Variants in MST1R observed in about 807,000 individuals in gnomAD.
The protein encoded by MST1R is macrophage-stimulating protein receptor.
MST1R carries 99 observed loss-of-function variants against 117.8 expected under a neutral mutation model. The ratio of observed to expected loss-of-function variants is 0.84; its 90% CI spans 0.71 to 0.99. The LOEUF is 0.99. MST1R is among the 50% of genes least tolerant of loss of function. The probability of loss-of-function intolerance (pLI) is 0.00; values close to 1 mark genes in which losing one functional copy is unlikely to be tolerated. For synonymous variants in MST1R, 734 were observed against 765.3 expected, an observed-to-expected ratio of 0.96 and a Z score of 0.68; for missense variants, 1,683 against 1,840.2, an observed-to-expected ratio of 0.91 and a Z score of 1.56.
chr3:49,897,619 T>C lies in MST1R; in HGVS notation c.1947A>G (p.Ala649=). 1.2e-6 allele frequency: 2 copies of C among 1,614,170 alleles called. No individual in the cohort carries two copies. The highest frequency in any genetic ancestry group is 8.5e-7 in the Non-Finnish European group (1 of 1,180,036). The change falls in exon 6 of 20, where the codon GCA becomes GCG. Residue 649 remains alanine, a synonymous_variant. Coordinates refer to ENST00000296474, the MANE Select transcript of MST1R (RefSeq NM_002447.4). ...TGAGGCTGACGTTGGTAGGCCCCAC[T>C]GCCTGGGTGCCCAAGGGCTCCAGTT... ...ECELEPLGTQ[A]VGPTNVSLTV...
chr3:49,895,015 GT>G, intron 14 of MST1R, 151 bp downstream of exon 14: 1 of 754,064 alleles, frequency 1.3e-6, no homozygotes, highest in Non-Finnish European at 2.2e-6. Context: ...GTTTCACTGT[GT>G]TAGCCAGGAC....
intron 2 of MST1R, 27 bp downstream of exon 2, chr3:49,899,048 T>G (rs767641691): frequency 2.5e-6 from 4 of 1,614,014 alleles, no homozygotes; most frequent in Non-Finnish European, 2.5e-6. Flanking sequence ...GACCCAGGGC[T>G]AGGGGACTGT....
rs1471000039 is a variant in MST1R at position 49,902,430 on chromosome 3, G to A, written c.1180C>T (p.Leu394Phe). Residue 394 changes from leucine (L) to phenylalanine (F), a missense_variant, in exon 1 of 20, where the codon CTC becomes TTC. Coordinates refer to ENST00000296474, the MANE Select transcript of MST1R (RefSeq NM_002447.4). ...RCCESPVHPG[L>F]RRGLDFFQSP... The stretch of plus-strand genomic sequence containing the variant: ...TGGAAGAAGTCGAGGCCTCGCCGGA[G>A]GCCTGGATGGACTGGGGATTCACAA... 3.1e-6 allele frequency: 5 copies of A among 1,614,048 alleles called. No homozygotes were observed. The highest frequency in any genetic ancestry group is 1.3e-5 in the African/African-American group (1 of 74,942).
chr3:49,892,593 G>T (rs977081588), intron 14 of MST1R, among the ~76,000 whole-genome samples: 21 of 151,902 alleles, frequency 1.4e-4, no homozygotes, highest in African/African-American at 5.1e-4. Context: ...GGAGGCTGAG[G>T]CAAGAGAATC....
chr3:49,895,140 T>C, intron 14 of MST1R, 27 bp downstream of exon 14: 1 of 1,612,708 alleles, frequency 6.2e-7, no homozygotes, highest in Non-Finnish European at 8.5e-7. Flanking sequence ...ACTCCATCTC[T>C]GCCCCAGCCC....
At chr3:49,897,857 G>A (rs1210058413) in intron 5 of MST1R, 172 bp from the exon 6 acceptor site, 48 of 1,136,732 alleles carry the variant, frequency 4.2e-5, no homozygotes, top group Non-Finnish European at 1.6e-5. Flanking sequence ...GCTGGTCCAT[G>A]AGTGAACAGA....
chr3:49,897,914 C>T, intron 5 of MST1R, 137 bp downstream of exon 5: 1 of 1,289,654 alleles, frequency 7.8e-7, no homozygotes, highest in Non-Finnish European at 1.1e-6. Flanking sequence ...ACCTTTTTGA[C>T]TCTCAAAAAG....
chr3:49,902,925 C>G lies in MST1R; in HGVS notation c.685G>C (p.Ala229Pro). 6.2e-7 allele frequency: 1 copy of G among 1,613,432 alleles called. No individual in the cohort carries two copies. Among genetic ancestry groups the G allele is most frequent in the Non-Finnish European group, 8.5e-7 (1 of 1,180,032 alleles). Residue 229 changes from alanine to proline, a missense_variant, in exon 1 of 20, where the codon GCA (alanine) becomes CCA (proline). By Grantham distance (27) the Ala-to-Pro change is conservative. Coordinates refer to ENST00000296474, the MANE Select transcript of MST1R (RefSeq NM_002447.4). ...ACTGACAACGCCACAAAGCCCGGTGCGAATCCCGAGGCGTCAGCCTTGAGA... is the reference window on the plus strand; with the variant it reads ...ACTGACAACGCCACAAAGCCCGGTGGGAATCCCGAGGCGTCAGCCTTGAGA... ...RRLKADASGFAPGFVALSVLP... is the reference protein window; with the variant it reads ...RRLKADASGFPPGFVALSVLP...
chr3:49,901,891 GA>G (rs2082688674), intron 1 of MST1R, among the ~76,000 whole-genome samples: 1 of 136,564 alleles, frequency 7.3e-6, no homozygotes, highest in Admixed American at 8.6e-5. Context: ...GTGAGTCTGT[GA>G]ATCTGTGAGC....
chr3:49,889,768 G>A (rs1412692731), intron 19 of MST1R, among the ~76,000 whole-genome samples, 156 bp downstream of exon 19: 2 of 152,020 alleles, frequency 1.3e-5, no homozygotes, highest in Non-Finnish European at 2.9e-5. Flanking sequence ...CATGAGGGTG[G>A]GACCAGTTCA....
chr3:49,899,624 G>A, intron 1 of MST1R: 1 of 241,128 alleles, frequency 4.1e-6, no homozygotes, highest in South Asian at 5.3e-5. Context: ...TGCTGGGGCT[G>A]GAGGGCAATG....
At position 49,897,682 on chromosome 3, in the gene MST1R, TG is replaced by T. The variant is rs1392675966; in HGVS notation, c.1883del (p.Pro628GlnfsTer8). On this transcript the variant is annotated frameshift_variant and splice_region_variant, in exon 6 of 20. Coordinates refer to ENST00000296474, the MANE Select transcript of MST1R (RefSeq NM_002447.4). LOFTEE classifies it high-confidence loss of function. Reference protein sequence around the residue: ...PLPKDSSKLRPVPRKDFVEEF... With the variant: ...PLPKDSSKLRXVPRKDFVEEF... ...CCTCTACAAAGTCTTTCCGGGGCAC[TG>T]GTCTGGGGCACCAGGGGAACCCCTG... The T allele has an allele frequency of 6.2e-7, 1 of 1,610,668 alleles. No homozygotes were observed. The highest frequency in any genetic ancestry group is 2.2e-5 in the East Asian group (1 of 44,872).
At position 49,890,618 on chromosome 3, in the gene MST1R, T is replaced by C; in HGVS notation, c.3677A>G (p.Asp1226Gly). Residue 1226 changes from aspartate to glycine, a missense_variant, in exon 18 of 20, where the codon GAC becomes GGC. Physicochemically the swap from Asp to Gly is moderately conservative, Grantham distance 94. Coordinates refer to ENST00000296474, the MANE Select transcript of MST1R (RefSeq NM_002447.4). ...CAGGATGTCGCGGGCCAAACCAAAG[T>C]CAGCCACCTTGACTGTGAATGACTC... ...LDESFTVKVA[D>G]FGLARDILDR... The C allele has an allele frequency of 6.2e-7, 1 of 1,613,600 alleles. No individual in the cohort carries two copies. The highest frequency in any genetic ancestry group is 8.5e-7 in the Non-Finnish European group (1 of 1,179,642).
intron 1 of MST1R, chr3:49,899,520 T>G: frequency 2.4e-6 from 1 of 409,192 alleles, no homozygotes. Context: ...ATCCTGATGG[T>G]GAGTTACCCC....
At position 49,898,117 on chromosome 3, in the gene MST1R, C is replaced by T. The variant is rs200292266; in HGVS notation, c.1814G>A (p.Gly605Glu). Reference sequence around the variant, plus strand: ...TTGGCCCACAGTGACCTGATGGGTTCCCTCAGGCACCAGACCAGAAGGGTG... The same window carrying T: ...TTGGCCCACAGTGACCTGATGGGTTTCCTCAGGCACCAGACCAGAAGGGTG... ...YLHPSGLVPEGTHQVTVGQSP... is the reference protein window; with the variant it reads ...YLHPSGLVPEETHQVTVGQSP... Residue 605 changes from glycine to glutamate, a missense_variant, in exon 5 of 20, where the codon GGA becomes GAA. Transcript: ENST00000296474. The T allele has an allele frequency of 8.1e-5, 130 of 1,613,972 alleles. No individual in the cohort carries two copies. Among genetic ancestry groups the T allele is most frequent in the Non-Finnish European group, 1.1e-4 (127 of 1,180,044 alleles).
rs145173827 is a variant in MST1R, at chr3:49,902,805, C to T, written c.805G>A (p.Val269Met). Residue 269 changes from valine to methionine, a missense_variant, in exon 1 of 20, where the codon GTG becomes ATG. By Grantham distance (21) the Val-to-Met change is conservative (BLOSUM62 1). Coordinates refer to ENST00000296474, the MANE Select transcript of MST1R (RefSeq NM_002447.4). ...VYFLTVQPAS[V>M]TDDPSALHTR... ...TGCAGGGCACTAGGATCATCTGTCA[C>T]GCTGGCCGGCTGTACAGTCAGGAAG... 2.7e-5 allele frequency: 43 copies of T among 1,613,732 alleles called. No homozygotes were observed. The African/African-American group carries it at 4.1e-4, about 16-fold the overall frequency.
chr3:49,895,598 C>T (rs750028997), intron 12 of MST1R, 50 bp from the exon 13 acceptor site: 41 of 1,611,778 alleles, frequency 2.5e-5, no homozygotes, highest in Non-Finnish European at 3.3e-5. Flanking sequence ...TCCTAGGGGC[C>T]GACCCCTCTG....
chr3:49,902,992 G>A lies in MST1R; in HGVS notation c.618C>T (p.Ala206=), dbSNP rs139157266. Residue 206 remains alanine, a synonymous_variant, in exon 1 of 20, where the codon GCC becomes GCT. Transcript: ENST00000296474. ...AGCGTGGGCTGAAGCTGGCAGCCACGGCTGCGTCCAGTGAGGATGCCACGT... is the reference window on the plus strand; with the variant it reads ...AGCGTGGGCTGAAGCTGGCAGCCACAGCTGCGTCCAGTGAGGATGCCACGT... The part of the protein sequence containing the change: ...YFYVASSLDA[A]VAASFSPRSV... 33 of 1,613,144 alleles carry A rather than the reference G, an allele frequency of 2.0e-5. No individual in the cohort carries two copies. Among genetic ancestry groups the A allele is most frequent in the Admixed American group, 1.3e-4 (8 of 60,028 alleles).
chr3:49,903,801 A>T lies in MST1R; in HGVS notation c.-192T>A, dbSNP rs1420498427. On this transcript the variant is annotated 5_prime_UTR_variant, in exon 1 of 20. Coordinates refer to ENST00000296474, the MANE Select transcript of MST1R (RefSeq NM_002447.4). ...CCCTTCCCGGCCCTCGGGTCTGAGC[A>T]CCTGACGCCTGCGGACGCACGACAG... The T allele has an allele frequency of 1.4e-6, 1 of 706,602 alleles. No individual in the cohort carries two copies. Among genetic ancestry groups the T allele is most frequent in the African/African-American group, 1.8e-5 (1 of 55,262 alleles). 43.8% of individuals were successfully genotyped at this position (706,602 alleles called of 1,614,324 possible). A position where few individuals can be genotyped will look rare whatever the true frequency, so the allele number is the denominator to read the frequency against.
Sources: gnomAD v4.1 joint callset for allele counts (sites outside exome capture counted in the v4.1 genomes callset) on GRCh38, gnomAD v4.1.1 for gene constraint, MANE v1.5 for transcripts, NCBI Gene and HGNC (gene_info 2026-07-23, HGNC 2026-07-21) for gene names.